Variants in TEAD1 observed in about 807,000 individuals in gnomAD.
The protein encoded by TEAD1 is TEA domain transcription factor 1.
Under a neutral mutation model 54.9 loss-of-function variants are expected in TEAD1, and 9 were observed. The observed-to-expected ratio is 0.16, with a 90% confidence interval of 0.10 to 0.29. The LOEUF (loss-of-function observed/expected upper bound fraction) is 0.29, where lower values mean the gene tolerates loss of function less well. Among genes scored for constraint, TEAD1 ranks in the 10% least tolerant of loss-of-function variants. The probability of loss-of-function intolerance (pLI) is 1.00; values close to 1 mark genes in which losing one functional copy is unlikely to be tolerated. For synonymous variants in TEAD1, 200 were observed against 187.8 expected, an observed-to-expected ratio of 1.07 and a Z score of -0.53; for missense variants, 387 against 535.9, an observed-to-expected ratio of 0.72 and a Z score of 2.74.
intron 3 of TEAD1, among the ~76,000 whole-genome samples, chr11:12,796,327 A>G (rs894074997): frequency 5.9e-5 from 9 of 152,188 alleles, no homozygotes; most frequent in Admixed American, 4.6e-4. Context: ...ATAGGAAATC[A>G]GCGTTGTTGG....
intron 5 of TEAD1, among the ~76,000 whole-genome samples, chr11:12,872,235 T>C (rs1002708880): frequency 2.6e-5 from 4 of 152,220 alleles, no homozygotes; most frequent in African/African-American, 9.6e-5. Context: ...GTAGACGTAC[T>C]TCACTTCACT....
intron 11 of TEAD1, among the ~76,000 whole-genome samples, chr11:12,929,345 C>G (rs1948970911): frequency 6.6e-6 from 1 of 151,236 alleles, no homozygotes; most frequent in Admixed American, 6.6e-5. Context: ...TTAATTCTGT[C>G]TGCATTTTAA....
intron 2 of TEAD1, among the ~76,000 whole-genome samples, chr11:12,718,183 C>A (rs985452609): frequency 6.6e-6 from 1 of 152,138 alleles, no homozygotes; most frequent in South Asian, 2.1e-4. Context: ...TCTGTGGGGA[C>A]GTGCCCCAGG....
At chr11:12,917,493 A>T (rs1948735736) in intron 10 of TEAD1, among the ~76,000 whole-genome samples, 1 of 152,224 alleles carries the variant, frequency 6.6e-6, no homozygotes, top group African/African-American at 2.4e-5. Context: ...AACAGAAAAA[A>T]GCATTAACAG....
Position 12,874,672 on chromosome 11 carries a change from A to G in TEAD1, c.331-5036A>G, listed in dbSNP as rs1247446530. On this transcript the variant is annotated intron_variant, in intron 5 of 12. Transcript: ENST00000527636. Reference sequence around the variant, plus strand: ...AATTGGTTAATGATAAAAGTAGGGTAGATGATGAGACAGGCATCCCGAGTC... The same window carrying G: ...AATTGGTTAATGATAAAAGTAGGGTGGATGATGAGACAGGCATCCCGAGTC... Among the ~76,000 whole-genome samples, 5 of 152,304 alleles carry G rather than the reference A, an allele frequency of 3.3e-5. No homozygotes were observed. In the East Asian group the frequency reaches 9.7e-4, roughly 29 times the overall value.
chr11:12,890,195 A>T (rs1434815867), intron 9 of TEAD1, among the ~76,000 whole-genome samples: 1 of 152,202 alleles, frequency 6.6e-6, no homozygotes, highest in African/African-American at 2.4e-5. Context: ...AAAGTTTACC[A>T]CCACTCTGTA....
chr11:12,721,247 C>T (rs1324385938), intron 2 of TEAD1, among the ~76,000 whole-genome samples: 1 of 152,206 alleles, frequency 6.6e-6, no homozygotes, highest in Non-Finnish European at 1.5e-5. Flanking sequence ...AGCTTCCCTT[C>T]TTGCGTTCTT....
At chr11:12,749,059 C>G (rs1944810464) in intron 2 of TEAD1, among the ~76,000 whole-genome samples, 2 of 152,154 alleles carry the variant, frequency 1.3e-5, no homozygotes, top group South Asian at 4.1e-4. Context: ...GGGACTTTTA[C>G]AGATAGATCC....
chr11:12,753,663 A>G (rs138343897), intron 2 of TEAD1, among the ~76,000 whole-genome samples: 79 of 152,194 alleles, frequency 5.2e-4, no homozygotes, highest in South Asian at 8.3e-4. Context: ...CTGTTGAATA[A>G]ATGTGTTGCA....
chr11:12,716,044 C>T (rs751755101), intron 2 of TEAD1, among the ~76,000 whole-genome samples: 81 of 151,944 alleles, frequency 5.3e-4, no homozygotes, highest in African/African-American at 5.8e-4. Flanking sequence ...CTGTCATTTG[C>T]CCCCTTTGCA....
intron 2 of TEAD1, among the ~76,000 whole-genome samples, chr11:12,732,091 T>C (rs1333754362): frequency 6.6e-6 from 1 of 152,176 alleles, no homozygotes; most frequent in African/African-American, 2.4e-5. Context: ...TTTTTTTTTT[T>C]CAGCCCTAAG....
chr11:12,683,228 A>G (rs185329963), intron 2 of TEAD1, among the ~76,000 whole-genome samples: 17 of 152,376 alleles, frequency 1.1e-4, no homozygotes, highest in African/African-American at 1.9e-4. Context: ...GCATTGTGAC[A>G]TCATTTGTTT....
chr11:12,878,993 A>G, intron 5 of TEAD1: 1 of 1,024,884 alleles, frequency 9.8e-7, no homozygotes, highest in Non-Finnish European at 1.3e-6. Flanking sequence ...TGGCTTTCCT[A>G]GAAAAGACCC....
At chr11:12,901,892 G>A (rs1294336367) in intron 9 of TEAD1, 48 bp from the exon 10 acceptor site, 1 of 1,612,958 alleles carries the variant, frequency 6.2e-7, no homozygotes, top group Non-Finnish European at 8.5e-7. Flanking sequence ...TGAGTTCCAG[G>A]TTGATCAAAG....
intron 2 of TEAD1, among the ~76,000 whole-genome samples, chr11:12,761,581 A>T (rs1042101877): frequency 6.6e-6 from 1 of 152,202 alleles, no homozygotes; most frequent in East Asian, 1.9e-4. Flanking sequence ...TAGAAGTTTA[A>T]TGGAAAGTAA....
At position 12,943,439 on chromosome 11, in the gene TEAD1, A is replaced by G. The variant is rs1949178756; in HGVS notation, c.*6217A>G. ...TAAAATTTATTGCATTGCAAAGGGT[A>G]GTTTCACTGAAGTCATGCACCATTA... On this transcript the variant is annotated 3_prime_UTR_variant, in exon 13 of 13. Transcript: ENST00000527636. 1 of 152,674 alleles carries G rather than the reference A, an allele frequency of 6.5e-6. No individual in the cohort carries two copies. The highest frequency in any genetic ancestry group is 1.5e-5 in the Non-Finnish European group (1 of 68,032). 9.5% of individuals were successfully genotyped at this position (152,674 alleles called of 1,614,324 possible).
chr11:12,935,404 G>T (rs2134176980), intron 12 of TEAD1, among the ~76,000 whole-genome samples: 1 of 152,210 alleles, frequency 6.6e-6, no homozygotes, highest in East Asian at 1.9e-4. Context: ...CTCAATATTT[G>T]TTGGCTATTC....
At chr11:12,753,264 TC>T (rs1286795965) in intron 2 of TEAD1, among the ~76,000 whole-genome samples, 1 of 152,240 alleles carries the variant, frequency 6.6e-6, no homozygotes, top group East Asian at 1.9e-4. Context: ...GGCATGCATT[TC>T]TTTAGCATCT....
chr11:12,929,198 GTGTCTGC>G (rs1353612944), intron 11 of TEAD1, among the ~76,000 whole-genome samples: 2,876 of 90,264 alleles, frequency 0.032, 106 homozygotes, highest in African/African-American at 0.093. Context: ...GTGTGTGTGT[GTGTCTGC>G]TTTAGGGTTA....
Sources: allele counts gnomAD v4.1 joint callset (sites outside exome capture counted in the v4.1 genomes callset), GRCh38; gene constraint gnomAD v4.1.1; transcripts MANE v1.5; gene names NCBI Gene and HGNC (gene_info 2026-07-23, HGNC 2026-07-21).